The following CCNH variants were observed in gnomAD, a reference collection of about 807,000 sequenced individuals.
CCNH encodes the protein cyclin H.
In CCNH, 31 loss-of-function variants were observed where a neutral mutation model predicts 41.9. That is an observed-to-expected ratio of 0.74 (90% CI 0.56 to 1.00). CCNH has a LOEUF of 1.00. Ranked by LOEUF, CCNH falls within the 50% of genes least tolerant of loss-of-function variation. The pLI is 0.00. For missense variants in CCNH, 362 were observed against 388.4 expected (o/e 0.93, Z 0.57); for synonymous variants, 138 against 136.1 (o/e 1.01, Z -0.10).
At chr5:87,354,007 G>C (rs746555596) in intron 9 of CCNH, among the ~76,000 whole-genome samples, 1 of 152,076 alleles carries the variant, frequency 6.6e-6, no homozygotes. Flanking sequence ...GGACATAAAG[G>C]ATTATTAAGG....
At chr5:87,402,628 T>G (rs1763500053) in intron 5 of CCNH, among the ~76,000 whole-genome samples, 1 of 152,188 alleles carries the variant, frequency 6.6e-6, no homozygotes, top group African/African-American at 2.4e-5. Context: ...TTATTTAAAT[T>G]TTATTATAAA....
At chr5:87,393,615 A>C (rs1258593639), downstream of CCNH, 1 of 152,190 alleles carries the variant, frequency 6.6e-6, no homozygotes, top group African/African-American at 2.4e-5. Flanking sequence ...TTAATCTGCA[A>C]AATTCCTAGT....
intron 2 of CCNH, 66 bp downstream of exon 2, chr5:87,411,158 T>A: frequency 6.6e-7 from 1 of 1,504,004 alleles, no homozygotes; most frequent in Middle Eastern, 1.8e-4. Flanking sequence ...GGACAGGGAA[T>A]TTAGAAGAGG....
chr5:87,372,366 C>T (rs1034750321), downstream of CCNH, among the ~76,000 whole-genome samples: 3 of 152,132 alleles, frequency 2.0e-5, no homozygotes, highest in African/African-American at 7.2e-5. Context: ...AATGTTCTTT[C>T]TTAGTCCATG....
chr5:87,330,261 C>T (rs1561285851), intron 9 of CCNH, among the ~76,000 whole-genome samples: 1 of 151,968 alleles, frequency 6.6e-6, no homozygotes, highest in East Asian at 1.9e-4. Flanking sequence ...GCTTTTATTA[C>T]AACAAGCTTA....
chr5:87,378,545 A>G, upstream of CCNH: 3 of 1,600,888 alleles, frequency 1.9e-6, no homozygotes, highest in Non-Finnish European at 1.7e-6. Context: ...TGAGGTAAGA[A>G]TTTAATGTTT....
chr5:87,388,066 A>G (rs935734497), downstream of CCNH, among the ~76,000 whole-genome samples: 33 of 152,288 alleles, frequency 2.2e-4, no homozygotes, highest in African/African-American at 7.7e-4. Context: ...AACCCCAAAC[A>G]TGAATAAAAT....
intron 9 of CCNH, among the ~76,000 whole-genome samples, chr5:87,348,280 G>C (rs998277884): frequency 6.6e-6 from 1 of 151,750 alleles, no homozygotes; most frequent in African/African-American, 2.4e-5. Flanking sequence ...TGGATGATTG[G>C]AACTATTAGT....
At chr5:87,339,282 A>G (rs1162879862) in intron 9 of CCNH, among the ~76,000 whole-genome samples, 2 of 152,170 alleles carry the variant, frequency 1.3e-5, no homozygotes, top group African/African-American at 2.4e-5. Flanking sequence ...AAATGGTGTG[A>G]TACAGTCCAT....
intron 6 of CCNH, among the ~76,000 whole-genome samples, 165 bp downstream of exon 6, chr5:87,401,537 T>A (rs140777290): frequency 6.6e-6 from 1 of 152,332 alleles, no homozygotes; most frequent in Non-Finnish European, 1.5e-5. Context: ...ATACCTTCTA[T>A]TTGTTCTAGA....
upstream of CCNH, among the ~76,000 whole-genome samples, chr5:87,381,005 A>G (rs1391085413): frequency 6.6e-6 from 1 of 152,234 alleles, no homozygotes; most frequent in Non-Finnish European, 1.5e-5. Flanking sequence ...AATCAGAACC[A>G]GAACATGTAG....
downstream of CCNH, among the ~76,000 whole-genome samples, chr5:87,314,492 G>A (rs1391061022): frequency 6.6e-6 from 1 of 152,168 alleles, no homozygotes; most frequent in Non-Finnish European, 1.5e-5. Flanking sequence ...ATAGGAAGGT[G>A]GAATTGTTAA....
chr5:87,345,072 C>T (rs1214764215), intron 9 of CCNH, among the ~76,000 whole-genome samples: 9 of 152,032 alleles, frequency 5.9e-5, no homozygotes, highest in Admixed American at 5.9e-4. Flanking sequence ...CTCTTGGGCT[C>T]AAGAGATCCT....
chr5:87,335,168 C>T (rs1757873883), intron 9 of CCNH, among the ~76,000 whole-genome samples: 1 of 152,140 alleles, frequency 6.6e-6, no homozygotes, highest in Non-Finnish European at 1.5e-5. Flanking sequence ...GGGCATGAGC[C>T]ACTGCACCTG....
exon 1 of CCNH, chr5:87,376,679 G>T: frequency 7.4e-7 from 1 of 1,353,686 alleles, no homozygotes; most frequent in East Asian, 2.5e-5. Context: ...GCACAATGAT[G>T]CCAGAGATTT....
At chr5:87,386,788 G>C (rs767173997), downstream of CCNH, 1 of 1,565,060 alleles carries the variant, frequency 6.4e-7, no homozygotes, top group East Asian at 2.2e-5. Flanking sequence ...ACAGTGGTTT[G>C]TTTCTGGTGC....
downstream of CCNH, chr5:87,391,212 C>T (rs1005288857): frequency 2.3e-5 from 10 of 443,416 alleles, no homozygotes; most frequent in African/African-American, 1.7e-4. Flanking sequence ...TTTCAGTACA[C>T]CCAGTTGCCA....
In CCNH at chr5:87,325,577, G is replaced by C. The variant is rs1262673064; in HGVS notation, c.*91-6680C>G. 2.0e-5 allele frequency among the ~76,000 whole-genome samples: 3 copies of C among 152,174 alleles called. No individual in the cohort carries two copies. In the South Asian group the frequency reaches 6.2e-4, roughly 31 times the overall value. ...AGTCCCAAGTGATTCAGATGCAAAA[G>C]ATTTCTTGGCAATTGGATTTCTGCA... On this transcript the variant is annotated intron_variant and NMD_transcript_variant, in intron 9 of 9. Transcript: ENST00000645953.
chr5:87,336,449 T>C (rs959029870), intron 9 of CCNH, among the ~76,000 whole-genome samples: 1 of 152,094 alleles, frequency 6.6e-6, no homozygotes, highest in African/African-American at 2.4e-5. Flanking sequence ...TATGAGTCTT[T>C]TAAAAAGTTT....
Sources: gnomAD v4.1 joint callset for allele counts (sites outside exome capture counted in the v4.1 genomes callset) on GRCh38, gnomAD v4.1.1 for gene constraint, MANE v1.5 for transcripts, NCBI Gene and HGNC (gene_info 2026-07-23, HGNC 2026-07-21) for gene names.